The following CDH11 variants were observed in gnomAD, a reference collection of about 807,000 sequenced individuals.
CDH11 encodes cadherin-11.
A neutral mutation model predicts 67.8 loss-of-function variants in CDH11; 11 were observed. That is an observed-to-expected ratio of 0.16 (90% CI 0.10 to 0.27). The LOEUF is 0.27. Among genes scored for constraint, CDH11 ranks in the 10% least tolerant of loss-of-function variants. The pLI is 1.00. For synonymous variants in CDH11, 419 were observed against 400.0 expected (o/e 1.05, Z -0.57); for missense variants, 847 against 1,031.2 (o/e 0.82, Z 2.45).
intron 1 of CDH11, among the ~76,000 whole-genome samples, chr16:65,120,629 C>T (rs984803164): frequency 2.0e-5 from 3 of 152,148 alleles, no homozygotes; most frequent in African/African-American, 7.2e-5. Flanking sequence ...CGTCGTCAGG[C>T]AGGGATGGTA....
At chr16:65,122,996 A>C (rs563129111), upstream of CDH11, among the ~76,000 whole-genome samples, 1 of 152,162 alleles carries the variant, frequency 6.6e-6, no homozygotes, top group Admixed American at 6.5e-5. Flanking sequence ...GCAGCGCCGG[A>C]GTCCTAGCTC....
At chr16:65,015,450 A>G (rs1301734083) in intron 2 of CDH11, among the ~76,000 whole-genome samples, 1 of 152,100 alleles carries the variant, frequency 6.6e-6, no homozygotes, top group Non-Finnish European at 1.5e-5. Flanking sequence ...GAGTGAAAAA[A>G]AAAACAAAAC....
upstream of CDH11, among the ~76,000 whole-genome samples, chr16:65,123,162 G>C (rs896505195): frequency 1.3e-5 from 2 of 152,116 alleles, no homozygotes; most frequent in African/African-American, 4.8e-5. Flanking sequence ...GCGGTACCGG[G>C]AACGGCGTGG....
At chr16:65,027,419 T>G (rs2073556031) in intron 2 of CDH11, among the ~76,000 whole-genome samples, 1 of 152,224 alleles carries the variant, frequency 6.6e-6, no homozygotes, top group African/African-American at 2.4e-5. Context: ...ATTGACCAGT[T>G]GCATCTTGTT....
intron 2 of CDH11, among the ~76,000 whole-genome samples, chr16:65,033,673 GT>G (rs144906001): frequency 0.066 from 10,048 of 151,898 alleles, 797 homozygotes; most frequent in African/African-American, 0.19. Flanking sequence ...GGAGGTGGAG[GT>G]TGCAGTGAGC....
At chr16:64,961,679 C>T (rs1229195485) in intron 11 of CDH11, among the ~76,000 whole-genome samples, 1 of 152,032 alleles carries the variant, frequency 6.6e-6, no homozygotes, top group Non-Finnish European at 1.5e-5. Flanking sequence ...TAGGCCTTGC[C>T]TTTTCCTCTG....
At chr16:65,087,270 C>T (rs1164602730) in intron 1 of CDH11, among the ~76,000 whole-genome samples, 1 of 152,178 alleles carries the variant, frequency 6.6e-6, no homozygotes, top group African/African-American at 2.4e-5. Context: ...TCTAATTCTT[C>T]ATGCCTTCCC....
At chr16:65,016,323 A>AT (rs549869984) in intron 2 of CDH11, among the ~76,000 whole-genome samples, 228 of 151,606 alleles carry the variant, frequency 1.5e-3, no homozygotes, top group South Asian at 2.3e-3. Context: ...AAGTAATGGG[A>AT]TTTTTTTTTA....
intron 1 of CDH11, among the ~76,000 whole-genome samples, chr16:65,100,709 G>A (rs1006530258): frequency 6.8e-6 from 1 of 147,322 alleles, no homozygotes; most frequent in African/African-American, 2.5e-5. Flanking sequence ...CTGCACTCCA[G>A]CCCGGGTGAC....
chr16:64,949,823 A>G (rs919645737), intron 12 of CDH11, among the ~76,000 whole-genome samples: 14 of 152,092 alleles, frequency 9.2e-5, no homozygotes, highest in Non-Finnish European at 1.5e-5. Context: ...TTTCCTTGAC[A>G]TTCTGTGAAC....
chr16:65,097,866 G>T (rs1015152061), intron 1 of CDH11, among the ~76,000 whole-genome samples: 1 of 152,100 alleles, frequency 6.6e-6, no homozygotes, highest in Non-Finnish European at 1.5e-5. Flanking sequence ...AGGAAATTCA[G>T]CAATTGAATC....
At chr16:64,965,205 CAAAAAA>C (rs71143537) in intron 11 of CDH11, among the ~76,000 whole-genome samples, 1,358 of 56,922 alleles carry the variant, frequency 0.024, 16 homozygotes, top group Non-Finnish European at 0.031. Context: ...CTAAAAATAC[CAAAAAA>C]AAAAAAAAAA....
chr16:64,988,015 C>G (rs2072529107), intron 7 of CDH11, 142 bp downstream of exon 7: 2 of 619,068 alleles, frequency 3.2e-6, no homozygotes, highest in Non-Finnish European at 5.7e-6. Flanking sequence ...TCTTCCAGAG[C>G]TCAGAGCTCA....
intron 11 of CDH11, among the ~76,000 whole-genome samples, chr16:64,958,888 G>T (rs759200497): frequency 6.6e-6 from 1 of 152,110 alleles, no homozygotes; most frequent in Non-Finnish European, 1.5e-5. Flanking sequence ...TCATTCAACA[G>T]CTGTTCCCAT....
Position 64,967,524 on chromosome 16 carries a change from G to T in CDH11, c.1642+4055C>A, listed in dbSNP as rs1233335506. On this transcript the variant is annotated intron_variant, in intron 11 of 12. Transcript: ENST00000268603. ...TCCTAAAAGAATAATTAGATATTTG[G>T]CGAAGGTGTGGAAAACAATGTACGT... 3.9e-5 allele frequency among the ~76,000 whole-genome samples: 6 copies of T among 152,194 alleles called. No homozygotes were observed. In the East Asian group the frequency reaches 1.2e-3, roughly 29 times the overall value.
intron 1 of CDH11, among the ~76,000 whole-genome samples, chr16:65,060,776 TAGA>T (rs1234771515): frequency 6.6e-6 from 1 of 152,148 alleles, no homozygotes. Context: ...AGCCATCAAC[TAGA>T]AGAATGGTGA....
chr16:65,015,791 G>A lies in CDH11; in HGVS notation c.-172-10750C>T, dbSNP rs554648108. Among the ~76,000 whole-genome samples, 25 of 152,308 alleles carry A rather than the reference G, an allele frequency of 1.6e-4. No homozygotes were observed. In the South Asian group the frequency reaches 5.0e-3, roughly 30 times the overall value. The stretch of plus-strand genomic sequence containing the variant: ...CTGTTTTGTAAGGTATAAACAATGA[G>A]AGGAGGAATTGTCCCTAGGTGGCCT... On this transcript the variant is annotated intron_variant, in intron 2 of 12. Coordinates refer to ENST00000268603, the MANE Select transcript of CDH11 (RefSeq NM_001797.4).
At chr16:65,018,787 C>T (rs762020160) in intron 2 of CDH11, among the ~76,000 whole-genome samples, 1 of 152,188 alleles carries the variant, frequency 6.6e-6, no homozygotes, top group Non-Finnish European at 1.5e-5. Context: ...TTTAATGGTA[C>T]ACTTTCCCAA....
chr16:65,012,892 A>C (rs1262557878), intron 2 of CDH11, among the ~76,000 whole-genome samples: 1 of 152,234 alleles, frequency 6.6e-6, no homozygotes, highest in Non-Finnish European at 1.5e-5. Flanking sequence ...AATTTCTAAG[A>C]AGACTGAGAC....
Sources: allele counts gnomAD v4.1 joint callset (sites outside exome capture counted in the v4.1 genomes callset), GRCh38; gene constraint gnomAD v4.1.1; transcripts MANE v1.5; gene names NCBI Gene and HGNC (gene_info 2026-07-23, HGNC 2026-07-21).